Variants in INTS4 observed in about 807,000 individuals in gnomAD.
INTS4 encodes MSTP093.
In INTS4, 70 loss-of-function variants were observed where a neutral mutation model predicts 119.5. The observed-to-expected ratio is 0.59, with a 90% CI of 0.48 to 0.71. The LOEUF is 0.71. Among genes scored for constraint, INTS4 ranks in the 30% least tolerant of loss-of-function variants. The pLI is 0.00. For synonymous variants in INTS4, 316 were observed against 419.6 expected, an observed-to-expected ratio of 0.75 and a Z score of 3.02; for missense variants, 867 against 1,173.2, an observed-to-expected ratio of 0.74 and a Z score of 3.81.
At chr11:77,983,416 C>T (rs1318813644) in intron 2 of INTS4, among the ~76,000 whole-genome samples, 1 of 152,126 alleles carries the variant, frequency 6.6e-6, no homozygotes, top group Non-Finnish European at 1.5e-5. Flanking sequence ...TCTTCTAGTT[C>T]TTTAAGTTGT....
At position 77,981,471 on chromosome 11, in the gene INTS4, G is replaced by A. The variant is rs139495811; in HGVS notation, c.352C>T (p.Leu118=). ...AATTGCAACTTACTTTCATTCTGCAGGATGTTGATGGCATCATCCATAATG... is the reference window on the plus strand; with the variant it reads ...AATTGCAACTTACTTTCATTCTGCAAGATGTTGATGGCATCATCCATAATG... ...DCIMDDAINI[L]QNEKSHQVLA... is the part of the protein sequence containing the mutation. The change falls in exon 3 of 23, where the codon CTG becomes TTG. Residue 118 remains leucine, a synonymous_variant. Transcript: ENST00000534064. 36 of 1,508,996 alleles carry A rather than the reference G, an allele frequency of 2.4e-5. No individual in the cohort carries two copies. The African/African-American group carries it at 4.7e-4, about 20-fold the overall frequency. 93.5% of individuals were successfully genotyped at this position (1,508,996 alleles called of 1,614,324 possible). A position where few individuals can be genotyped will look rare whatever the true frequency, so the allele number is the denominator to read the frequency against.
chr11:77,932,002 G>A (rs1381350393), intron 10 of INTS4, among the ~76,000 whole-genome samples: 1 of 152,152 alleles, frequency 6.6e-6, no homozygotes, highest in African/African-American at 2.4e-5. Context: ...AGAAAATCTA[G>A]GCAATACCAT....
At chr11:77,989,098 G>A (rs913906078) in intron 2 of INTS4, among the ~76,000 whole-genome samples, 11 of 151,812 alleles carry the variant, frequency 7.2e-5, no homozygotes, top group Non-Finnish European at 1.6e-4. Flanking sequence ...CTTTCTCATA[G>A]CAGTGAGAAA....
intron 11 of INTS4, 42 bp downstream of exon 11, chr11:77,928,300 G>A (rs537517335): frequency 3.1e-6 from 5 of 1,599,672 alleles, no homozygotes; most frequent in African/African-American, 1.3e-5. Flanking sequence ...AACAGGGGGG[G>A]GTGAGGGATG....
In INTS4 at chr11:77,925,417, G is replaced by A. The variant is rs541710780; in HGVS notation, c.1372-525C>T. Among the ~76,000 whole-genome samples, 220 of 152,306 alleles carry A rather than the reference G, an allele frequency of 1.4e-3. 1 individual carries two copies. Among genetic ancestry groups the A allele is most frequent in the African/African-American group, 5.1e-3 (210 of 41,562 alleles). On this transcript the variant is annotated intron_variant, in intron 11 of 22. Coordinates refer to ENST00000534064, the MANE Select transcript of INTS4 (RefSeq NM_033547.4). ...TGACACAGACATAAAGTGAGCACAT[G>A]CTATTGGAAAAATGGCACCGATAGA...
rs1266282968 is a variant in INTS4, at chr11:77,907,794, C to T, written c.1939G>A (p.Gly647Arg). The change falls in exon 16 of 23, where the codon GGA becomes AGA. Residue 647 changes from glycine to arginine, a missense_variant. By Grantham distance (125) the Gly-to-Arg change is moderately radical (BLOSUM62 -2). Around this residue, in one of 5 missense-constraint regions of INTS4, gnomAD observed 262 missense variants for 376.0 expected, o/e 0.70. Coordinates refer to ENST00000534064, the MANE Select transcript of INTS4 (RefSeq NM_033547.4). ...CCTGCCAATTCAGATTGAAGTTCTC[C>T]AAGTCTTTGCAGATCCCTATAGTAA... ...EFTIRDLQRL[G>R]ELQSELAGVA... 4 of 1,612,374 alleles carry T rather than the reference C, an allele frequency of 2.5e-6. No individual in the cohort carries two copies. In the East Asian group the frequency reaches 8.9e-5, roughly 36 times the overall value.
chr11:77,888,929 G>T (rs1425494327), intron 21 of INTS4, among the ~76,000 whole-genome samples: 3 of 152,188 alleles, frequency 2.0e-5, no homozygotes, highest in Non-Finnish European at 4.4e-5. Flanking sequence ...GAATCAACAC[G>T]TGCTGGAGAG....
In INTS4 at chr11:77,961,153, A is replaced by AG. The variant is rs1794534022; in HGVS notation, c.472-16_472-15insC. 7 of 1,544,108 alleles carry AG rather than the reference A, an allele frequency of 4.5e-6. No individual in the cohort carries two copies. The highest frequency in any genetic ancestry group is 4.5e-5 in the Admixed American group (2 of 44,846). ...TCTGTCAGATGCTATTAAAAAAAAA[A>AG]AAAAAAAGAAAAAAAGAAAAAGAAA... On this transcript the variant is annotated splice_polypyrimidine_tract_variant and intron_variant, in intron 4 of 22. Coordinates refer to ENST00000534064, the MANE Select transcript of INTS4 (RefSeq NM_033547.4).
chr11:77,879,066 T>C lies in INTS4; in HGVS notation c.2775A>G (p.Lys925=), dbSNP rs1951690816. 1 of 1,614,044 alleles carries C rather than the reference T, an allele frequency of 6.2e-7. No individual in the cohort carries two copies. The highest frequency in any genetic ancestry group is 1.7e-5 in the Admixed American group (1 of 59,988). Residue 925 remains lysine (K), a synonymous_variant, in exon 23 of 23, where the codon AAA becomes AAG. Transcript: ENST00000534064. ...LAYNSSARIP[K]CPWMEGGEMS... is the part of the protein sequence containing the mutation. ...TCTCACCACCCTCCATCCAGGGGCA[T>C]TTTGGAATGCGAGCACTGGAGTTGT...
At chr11:77,909,468 T>A (rs1317080089) in intron 15 of INTS4, among the ~76,000 whole-genome samples, 6 of 152,218 alleles carry the variant, frequency 3.9e-5, no homozygotes, top group African/African-American at 1.4e-4. Context: ...TGTATCTTCA[T>A]ATGGTGGAAG....
At chr11:77,945,199 G>A (rs1954018916) in intron 8 of INTS4, among the ~76,000 whole-genome samples, 1 of 152,170 alleles carries the variant, frequency 6.6e-6, no homozygotes, top group Non-Finnish European at 1.5e-5. Flanking sequence ...AAGTAAGCTA[G>A]AGATACCTAT....
intron 8 of INTS4, among the ~76,000 whole-genome samples, chr11:77,948,650 GAAACAAAAAAAAAA>G (rs1342462286): frequency 1.4e-4 from 2 of 13,838 alleles, no homozygotes; most frequent in African/African-American, 4.6e-4. Flanking sequence ...CTGTCTCAAA[GAAACAAAAAAAAAA>G]AAACAAAAAA....
At chr11:77,955,400 GT>G (rs759544698) in intron 8 of INTS4, among the ~76,000 whole-genome samples, 5 of 151,722 alleles carry the variant, frequency 3.3e-5, no homozygotes, top group Non-Finnish European at 1.5e-5. Context: ...CCCATCTGTA[GT>G]TTCTCAAAAT....
intron 2 of INTS4, among the ~76,000 whole-genome samples, chr11:77,990,215 CAAAAAAAAAAA>C (rs59474739): frequency 1.0e-5 from 1 of 96,202 alleles, no homozygotes; most frequent in Non-Finnish European, 2.1e-5. Flanking sequence ...GACCAAGTCT[CAAAAAAAAAAA>C]AAAAAAAAAT....
Position 77,938,191 on chromosome 11 carries a change from G to C in INTS4, c.1165+460C>G, listed in dbSNP as rs540268045. ...TGAAGGTGAAATAAAATATTCATCAGTCATATAAAGGTTTGGCAGTCAGAC... is the reference window on the plus strand; with the variant it reads ...TGAAGGTGAAATAAAATATTCATCACTCATATAAAGGTTTGGCAGTCAGAC... On this transcript the variant is annotated intron_variant, in intron 10 of 22. Coordinates refer to ENST00000534064, the MANE Select transcript of INTS4 (RefSeq NM_033547.4). Among the ~76,000 whole-genome samples the C allele has an allele frequency of 5.1e-3, 777 of 152,224 alleles. 3 individuals are homozygous for C. The highest frequency in any genetic ancestry group is 0.018 in the African/African-American group (733 of 41,498).
At chr11:77,882,811 C>G (rs1951843949) in intron 22 of INTS4, among the ~76,000 whole-genome samples, 1 of 152,216 alleles carries the variant, frequency 6.6e-6, no homozygotes, top group South Asian at 2.1e-4. Flanking sequence ...TGGCTCATGC[C>G]TGTAATCCCA....
chr11:77,981,748 T>C (rs1280297129), intron 2 of INTS4, among the ~76,000 whole-genome samples, 172 bp from the exon 3 acceptor site: 1 of 98,116 alleles, frequency 1.0e-5, no homozygotes, highest in African/African-American at 3.6e-5. Context: ...CTTTTATTTA[T>C]TTATTTATTT....
chr11:77,979,144 G>C (rs1294210386), intron 3 of INTS4, 42 bp from the exon 4 acceptor site: 1 of 1,137,838 alleles, frequency 8.8e-7, no homozygotes, highest in African/African-American at 1.5e-5. Flanking sequence ...AATTTCGAAA[G>C]GGGTAACTAT....
intron 12 of INTS4, among the ~76,000 whole-genome samples, chr11:77,923,489 C>T (rs1260129966): frequency 6.6e-6 from 1 of 152,076 alleles, no homozygotes; most frequent in Non-Finnish European, 1.5e-5. Context: ...TGGGCAAAAA[C>T]ATTCTGATTG....
Sources: allele counts gnomAD v4.1 joint callset (sites outside exome capture counted in the v4.1 genomes callset), GRCh38; gene constraint gnomAD v4.1.1; regional missense constraint gnomAD v4.1.1; transcripts MANE v1.5; gene names NCBI Gene and HGNC (gene_info 2026-07-23, HGNC 2026-07-21).